CTDSP2: variants seen among roughly 807,000 people sequenced by gnomAD.
CTDSP2 encodes the protein CTD small phosphatase 2.
A neutral mutation model predicts 31.6 loss-of-function variants in CTDSP2; 9 were observed. The ratio of observed to expected loss-of-function variants is 0.28; its 90% CI spans 0.17 to 0.50. The LOEUF (loss-of-function observed/expected upper bound fraction) is 0.50. CTDSP2 is among the 20% of genes least tolerant of loss of function. The pLI is 0.98. For synonymous variants in CTDSP2, 134 were observed against 134.5 expected, an observed-to-expected ratio of 1.00 and a Z score of 0.03; for missense variants, 267 against 348.5, an observed-to-expected ratio of 0.77 and a Z score of 1.86.
At chr12:57,828,267 A>G (rs1254710446) in intron 2 of CTDSP2, among the ~76,000 whole-genome samples, 1 of 152,112 alleles carries the variant, frequency 6.6e-6, no homozygotes, top group Non-Finnish European at 1.5e-5. Flanking sequence ...TAAAAATACA[A>G]AATTAGCCGG....
intron 3 of CTDSP2, 125 bp downstream of exon 3, chr12:57,827,427 T>C: frequency 9.6e-7 from 1 of 1,045,162 alleles, no homozygotes; most frequent in South Asian, 1.3e-5. Flanking sequence ...GGGGAACAAA[T>C]GGCTTCCCAG....
intron 1 of CTDSP2, among the ~76,000 whole-genome samples, chr12:57,839,486 A>T (rs1956268277): frequency 6.6e-6 from 1 of 152,232 alleles, no homozygotes; most frequent in African/African-American, 2.4e-5. Flanking sequence ...TGGGAGGCCA[A>T]GGCGGGCGGA....
chr12:57,829,163 A>G (rs1379094678), intron 2 of CTDSP2, among the ~76,000 whole-genome samples: 3 of 152,234 alleles, frequency 2.0e-5, no homozygotes, highest in Admixed American at 2.0e-4. Context: ...GCTGGATCAC[A>G]TGAGACAATA....
chr12:57,823,203 G>C lies in CTDSP2; in HGVS notation c.*399C>G, dbSNP rs1448686622. On this transcript the variant is annotated 3_prime_UTR_variant, in exon 8 of 8. Coordinates refer to ENST00000398073, the MANE Select transcript of CTDSP2 (RefSeq NM_005730.4). Reference sequence around the variant, plus strand: ...GAGGAAAGGCCATGGTTTGGCAATGGAGTCTTCAATAGTCTTCATCCCTAC... The same window carrying C: ...GAGGAAAGGCCATGGTTTGGCAATGCAGTCTTCAATAGTCTTCATCCCTAC... 9.0e-6 allele frequency: 2 copies of C among 221,862 alleles called. No homozygotes were observed. Among genetic ancestry groups the C allele is most frequent in the East Asian group, 2.0e-4 (2 of 10,202 alleles). The allele number at this position is 221,862 out of a possible 1,614,324, so 13.7% of individuals were successfully genotyped here. A position where few individuals can be genotyped will look rare whatever the true frequency, so the allele number is the denominator to read the frequency against.
Position 57,824,222 on chromosome 12 carries a change from G to A in CTDSP2, c.504+5C>T. The A allele has an allele frequency of 6.2e-7, 1 of 1,613,828 alleles. No homozygotes were observed. Among genetic ancestry groups the A allele is most frequent in the Non-Finnish European group, 8.5e-7 (1 of 1,179,748 alleles). ...TCCTGGTTCTTCCCTCTCACCCCTAGGTACCTTGGCCAGGCTGGCAGTGAA... is the reference window on the plus strand; with the variant it reads ...TCCTGGTTCTTCCCTCTCACCCCTAAGTACCTTGGCCAGGCTGGCAGTGAA... On this transcript the variant is annotated splice_donor_5th_base_variant and intron_variant, in intron 6 of 7. Coordinates refer to ENST00000398073, the MANE Select transcript of CTDSP2 (RefSeq NM_005730.4).
rs75225398 is a variant in CTDSP2 at position 57,836,123 on chromosome 12, A to G, written c.65-6527T>C. Among the ~76,000 whole-genome samples the G allele has an allele frequency of 1.6e-4, 25 of 152,286 alleles. No individual in the cohort carries two copies. In the East Asian group the frequency reaches 4.4e-3, roughly 27 times the overall value. ...CACCATCATCACGTGGATGAAGCCC[A>G]AGAAGATGAGGGAAAGGTGCCTGAG... On this transcript the variant is annotated intron_variant, in intron 1 of 7. Coordinates refer to ENST00000398073, the MANE Select transcript of CTDSP2 (RefSeq NM_005730.4).
At chr12:57,835,818 C>A (rs956555023) in intron 1 of CTDSP2, among the ~76,000 whole-genome samples, 21 of 152,242 alleles carry the variant, frequency 1.4e-4, no homozygotes, top group Admixed American at 1.2e-3. Flanking sequence ...GAGGAGTATG[C>A]CCCCACTGAG....
chr12:57,825,026 T>C (rs913404858), intron 5 of CTDSP2, among the ~76,000 whole-genome samples: 1 of 152,178 alleles, frequency 6.6e-6, no homozygotes, highest in Admixed American at 6.5e-5. Flanking sequence ...CTTTATTTAC[T>C]TATTTTTTTT....
chr12:57,831,310 C>T (rs952534197), intron 1 of CTDSP2, among the ~76,000 whole-genome samples: 3 of 151,704 alleles, frequency 2.0e-5, no homozygotes, highest in Admixed American at 6.6e-5. Context: ...ACAAAACAGC[C>T]GTGCGTGTGG....
At chr12:57,839,041 C>A (rs553334843) in intron 1 of CTDSP2, among the ~76,000 whole-genome samples, 1 of 152,300 alleles carries the variant, frequency 6.6e-6, no homozygotes, top group Non-Finnish European at 1.5e-5. Flanking sequence ...ATCAGTCGCA[C>A]ACACACATAC....
chr12:57,824,414 T>G, intron 5 of CTDSP2, 95 bp from the exon 6 acceptor site: 1 of 939,818 alleles, frequency 1.1e-6, no homozygotes, highest in Non-Finnish European at 1.7e-6. Flanking sequence ...CAAGGAGCTC[T>G]CAACCCCTGC....
In CTDSP2 at chr12:57,822,119, GGGA is replaced by G. The variant is rs1367444237; in HGVS notation, c.*1480_*1482del. The G allele has an allele frequency of 6.6e-6, 1 of 152,390 alleles. No homozygotes were observed. The highest frequency in any genetic ancestry group is 1.5e-5 in the Non-Finnish European group (1 of 68,006). 9.4% of individuals were successfully genotyped at this position (152,390 alleles called of 1,614,324 possible). Reference sequence around the variant, plus strand: ...CTCCCACCCCAGGAGGAGGGAGGGAGGGAGGAGAGAACCCCACCCACCCCAGGG... The same window carrying G: ...CTCCCACCCCAGGAGGAGGGAGGGAGGGAGAGAACCCCACCCACCCCAGGG... On this transcript the variant is annotated 3_prime_UTR_variant, in exon 8 of 8. Transcript: ENST00000398073.
chr12:57,829,368 T>C, intron 2 of CTDSP2, 80 bp downstream of exon 2: 2 of 1,522,140 alleles, frequency 1.3e-6, no homozygotes, highest in Non-Finnish European at 1.8e-6. Context: ...AAAGCTTCCT[T>C]GTCCGGTTGC....
chr12:57,833,639 G>C (rs74094465), intron 1 of CTDSP2, among the ~76,000 whole-genome samples: 2,320 of 152,352 alleles, frequency 0.015, 66 homozygotes, highest in African/African-American at 0.054. Context: ...CTGCGTACCA[G>C]GTGCTCAGTA....
At chr12:57,824,536 C>A in intron 5 of CTDSP2, 1 of 667,714 alleles carries the variant, frequency 1.5e-6, no homozygotes, top group Non-Finnish European at 2.8e-6. Flanking sequence ...GTGGTCCCAA[C>A]CTCAACCTGG....
At chr12:57,839,845 C>G (rs190002803) in intron 1 of CTDSP2, among the ~76,000 whole-genome samples, 1 of 152,066 alleles carries the variant, frequency 6.6e-6, no homozygotes, top group East Asian at 1.9e-4. Flanking sequence ...AGGTTAATTC[C>G]TCTTATTGGA....
At chr12:57,826,247 G>T in intron 5 of CTDSP2, 99 bp downstream of exon 5, 1 of 914,260 alleles carries the variant, frequency 1.1e-6, no homozygotes, top group Non-Finnish European at 1.7e-6. Flanking sequence ...TCAACTGACA[G>T]AACCCAAGCC....
intron 1 of CTDSP2, among the ~76,000 whole-genome samples, chr12:57,839,495 GAT>G (rs879529670): frequency 6.6e-6 from 1 of 152,172 alleles, no homozygotes; most frequent in Non-Finnish European, 1.5e-5. Context: ...AAGGCGGGCG[GAT>G]CATGAGGTCA....
intron 4 of CTDSP2, among the ~76,000 whole-genome samples, chr12:57,826,724 G>A (rs1356444719): frequency 6.6e-6 from 1 of 152,222 alleles, no homozygotes; most frequent in Non-Finnish European, 1.5e-5. Flanking sequence ...CCTCGTGGCT[G>A]GCTTTCTGTG....
Sources: allele counts gnomAD v4.1 joint callset (sites outside exome capture counted in the v4.1 genomes callset), GRCh38; gene constraint gnomAD v4.1.1; transcripts MANE v1.5; gene names NCBI Gene and HGNC (gene_info 2026-07-23, HGNC 2026-07-21).